The following TMPRSS9 variants were observed in gnomAD, a reference collection of about 807,000 sequenced individuals.
TMPRSS9 encodes transmembrane serine protease 9.
Under a neutral mutation model 111.4 loss-of-function variants are expected in TMPRSS9, and 113 were observed. The ratio of observed to expected loss-of-function variants is 1.01; its 90% CI spans 0.87 to 1.19. The LOEUF is 1.19. TMPRSS9 is among the 50% of genes most tolerant of loss of function. The pLI is 0.00. For synonymous variants in TMPRSS9, 805 were observed against 659.1 expected (o/e 1.22, Z -3.39); for missense variants, 1,803 against 1,513.1 (o/e 1.19, Z -3.18).
intron 6 of TMPRSS9, 86 bp from the exon 8 acceptor site, chr19:2,405,288 C>T (rs550813405): frequency 1.0e-5 from 15 of 1,471,886 alleles, no homozygotes; most frequent in East Asian, 5.3e-5. Flanking sequence ...GGACTGTAGA[C>T]GAGAGACTCA....
chr19:2,363,133 G>A (rs535452087), intron 1 of TMPRSS9, among the ~76,000 whole-genome samples: 1 of 152,350 alleles, frequency 6.6e-6, no homozygotes, highest in East Asian at 1.9e-4. Context: ...GCTGCCCACA[G>A]CGTGTGAACG....
chr19:2,379,661 C>CTTTCTTTG (rs1171709694), intron 1 of TMPRSS9, among the ~76,000 whole-genome samples: 2 of 148,910 alleles, frequency 1.3e-5, no homozygotes, highest in African/African-American at 5.0e-5. Flanking sequence ...TTCTTTCTTT[C>CTTTCTTTG]TTTCTTTCTT....
intron 12 of TMPRSS9, 129 bp downstream of exon 13, chr19:2,416,938 C>G (rs1057506348): frequency 4.8e-6 from 6 of 1,258,116 alleles, no homozygotes; most frequent in South Asian, 1.6e-5. Context: ...TGTGGCTGAT[C>G]CCTTTGTCTT....
chr19:2,366,843 C>T (rs558541291), intron 1 of TMPRSS9, among the ~76,000 whole-genome samples: 18 of 133,220 alleles, frequency 1.4e-4, no homozygotes, highest in African/African-American at 3.2e-4. Flanking sequence ...GGCGACAGAG[C>T]GAGACTCCAT....
At chr19:2,380,066 T>G (rs1471358558) in intron 1 of TMPRSS9, among the ~76,000 whole-genome samples, 2 of 151,972 alleles carry the variant, frequency 1.3e-5, no homozygotes, top group East Asian at 3.9e-4. Flanking sequence ...GTAATTAACT[T>G]TAGTTTTAAT....
intron 12 of TMPRSS9, among the ~76,000 whole-genome samples, chr19:2,417,358 C>T (rs958807986): frequency 4.0e-5 from 6 of 150,986 alleles, no homozygotes; most frequent in Middle Eastern, 6.9e-3. Context: ...CCCAGCTACT[C>T]GGGAGGCTGA....
chr19:2,417,457 C>T (rs1971271195), intron 12 of TMPRSS9, among the ~76,000 whole-genome samples: 1 of 143,424 alleles, frequency 7.0e-6, no homozygotes, highest in Admixed American at 7.0e-5. Context: ...CAGAGCGAGA[C>T]TCCCATCTCA....
intron 10 of TMPRSS9, among the ~76,000 whole-genome samples, chr19:2,414,454 G>T (rs1457039559): frequency 5.9e-5 from 9 of 151,960 alleles, no homozygotes; most frequent in East Asian, 3.9e-4. Flanking sequence ...TGGTCAGGCT[G>T]GCCTCGAACT....
At chr19:2,370,236 G>A (rs537397725) in intron 1 of TMPRSS9, among the ~76,000 whole-genome samples, 132 of 149,676 alleles carry the variant, frequency 8.8e-4, no homozygotes, top group African/African-American at 3.1e-3. Context: ...TGGCTAACAC[G>A]GTGAAACCCT....
intron 13 of TMPRSS9, 126 bp from the exon 15 acceptor site, chr19:2,421,728 C>A: frequency 1.9e-6 from 2 of 1,029,648 alleles, no homozygotes; most frequent in Non-Finnish European, 2.8e-6. Context: ...TCTCCAGACC[C>A]GCGCTGTGCC....
intron 11 of TMPRSS9, 161 bp from the exon 13 acceptor site, chr19:2,416,377 T>C (rs997721209): frequency 7.7e-5 from 72 of 938,936 alleles, no homozygotes; most frequent in Non-Finnish European, 4.7e-5. Context: ...CAGCAGCCCC[T>C]CTTTCCCTGG....
chr19:2,409,107 T>C (rs941393967), intron 8 of TMPRSS9, among the ~76,000 whole-genome samples: 2 of 150,736 alleles, frequency 1.3e-5, no homozygotes, highest in African/African-American at 4.9e-5. Context: ...CTTGCTAAGA[T>C]ATATTTATAA....
chr19:2,425,725 G>A, intron 17 of TMPRSS9: 3 of 1,155,014 alleles, frequency 2.6e-6, no homozygotes, highest in South Asian at 3.5e-5. Context: ...AGAGGCTGCA[G>A]TGGGAGGCAC....
intron 1 of TMPRSS9, among the ~76,000 whole-genome samples, chr19:2,361,974 CTGTGTGGCTG>C: frequency 6.6e-6 from 1 of 152,044 alleles, no homozygotes; most frequent in South Asian, 2.1e-4. Flanking sequence ...GGTGAGTTGT[CTGTGTGGCTG>C]TGTGTGATTG....
chr19:2,405,699 G>C (rs549507687), intron 7 of TMPRSS9, among the ~76,000 whole-genome samples, 154 bp downstream of exon 8: 2 of 147,998 alleles, frequency 1.4e-5, no homozygotes, highest in Admixed American at 1.4e-4. Flanking sequence ...TTGAATCTGA[G>C]GGCATTCTTT....
At chr19:2,419,170 CCTTTCCTTTCCT>C (rs140295198) in intron 13 of TMPRSS9, among the ~76,000 whole-genome samples, 15 of 108,842 alleles carry the variant, frequency 1.4e-4, no homozygotes, top group South Asian at 3.7e-4. Flanking sequence ...ACCTTTCCTT[CCTTTCCTTTCCT>C]TCTCTCTCTC....
At chr19:2,410,631 T>C (rs923788076) in intron 9 of TMPRSS9, among the ~76,000 whole-genome samples, 6 of 152,128 alleles carry the variant, frequency 3.9e-5, no homozygotes, top group Non-Finnish European at 7.4e-5. Flanking sequence ...TTAGAGGATC[T>C]TCCAGAAGCT....
chr19:2,420,840 T>C (rs1971447486), intron 13 of TMPRSS9, among the ~76,000 whole-genome samples: 1 of 152,206 alleles, frequency 6.6e-6, no homozygotes, highest in South Asian at 2.1e-4. Flanking sequence ...TAGGTATTTA[T>C]AGTATCTATT....
rs1470023774 is a variant in TMPRSS9, at chr19:2,418,419, C to T, written c.2154+281C>T. On this transcript the variant is annotated intron_variant, in intron 13 of 17. Transcript: ENST00000648592. The stretch of plus-strand genomic sequence containing the variant: ...CCTGGCCTTTCCTTCCATTCCTTCC[C>T]TCCCTCCCTTTCCTTCCCTCCCTCC... Among the ~76,000 whole-genome samples the T allele has an allele frequency of 4.7e-5, 2 of 42,412 alleles. 1 individual carries two copies. The highest frequency in any genetic ancestry group is 2.7e-4 in the African/African-American group (2 of 7,458). The allele number at this position is 42,412 out of a possible 152,430, so 27.8% of individuals were successfully genotyped here.
Sources: allele counts gnomAD v4.1 joint callset (sites outside exome capture counted in the v4.1 genomes callset), GRCh38; gene constraint gnomAD v4.1.1; transcripts MANE v1.5; gene names NCBI Gene and HGNC (gene_info 2026-07-23, HGNC 2026-07-21).